KLHL5: variants seen among roughly 807,000 people sequenced by gnomAD.
The protein encoded by KLHL5 is kelch-like protein 5.
Under a neutral mutation model 77.7 loss-of-function variants are expected in KLHL5, and 48 were observed. The observed-to-expected ratio is 0.62, with a 90% CI of 0.49 to 0.79. The LOEUF is 0.79. Among genes scored for constraint, KLHL5 ranks in the 30% least tolerant of loss-of-function variants. KLHL5 has a pLI of 0.00. For synonymous variants in KLHL5, 260 were observed against 297.0 expected, an observed-to-expected ratio of 0.88 and a Z score of 1.28; for missense variants, 723 against 859.7, an observed-to-expected ratio of 0.84 and a Z score of 1.99.
chr4:39,140,740 A>C, the KLHL5 span, among the ~76,000 whole-genome samples: 1 of 152,216 alleles, frequency 6.6e-6, no homozygotes, highest in South Asian at 2.1e-4. Context: ...TGATCTCAGA[A>C]TTGCCAATGA....
At chr4:39,063,103 T>C (rs1717583273) in intron 1 of KLHL5, 68 bp downstream of exon 1, 3 of 1,090,186 alleles carry the variant, frequency 2.8e-6, no homozygotes, top group Non-Finnish European at 3.8e-6. Flanking sequence ...TTAAATAATT[T>C]AGTATTTATT....
the KLHL5 span, among the ~76,000 whole-genome samples, chr4:39,138,545 T>C: frequency 6.6e-6 from 1 of 152,212 alleles, no homozygotes; most frequent in South Asian, 2.1e-4. Flanking sequence ...AAGTAGGAGC[T>C]AAATGATGAG....
intron 4 of KLHL5, among the ~76,000 whole-genome samples, chr4:39,085,424 T>C (rs75433321): frequency 0.032 from 4,800 of 152,292 alleles, 277 homozygotes; most frequent in African/African-American, 0.11. Flanking sequence ...TAGTCCTTAT[T>C]TCTAGCTCTA....
the KLHL5 span, among the ~76,000 whole-genome samples, chr4:39,137,184 C>CGTTATGTGCGT: frequency 6.6e-6 from 1 of 150,880 alleles, no homozygotes; most frequent in Non-Finnish European, 1.5e-5. Flanking sequence ...CAAATATGTG[C>CGTTATGTGCGT]GTGTGTGTGT....
At chr4:39,086,825 A>T (rs1001395554) in intron 5 of KLHL5, 98 bp downstream of exon 5, 21 of 842,540 alleles carry the variant, frequency 2.5e-5, no homozygotes, top group Non-Finnish European at 3.8e-5. Context: ...AGGTGAAAAG[A>T]TAGTGAGCTA....
upstream of KLHL5, among the ~76,000 whole-genome samples, chr4:39,058,354 C>T (rs1717142384): frequency 6.6e-6 from 1 of 152,124 alleles, no homozygotes; most frequent in African/African-American, 2.4e-5. Flanking sequence ...TTTTGTCAGC[C>T]AGGCAGCGTG....
intron 7 of KLHL5, among the ~76,000 whole-genome samples, chr4:39,105,635 T>C (rs1721966573): frequency 6.6e-6 from 1 of 150,936 alleles, no homozygotes; most frequent in Admixed American, 6.6e-5. Context: ...TGTGTATTTA[T>C]ATGTTTATAT....
chr4:39,081,440 A>G lies in KLHL5; in HGVS notation c.703+201A>G, dbSNP rs2109380271. 6.6e-6 allele frequency among the ~76,000 whole-genome samples: 1 copy of G among 152,334 alleles called. No individual in the cohort carries two copies. Among genetic ancestry groups the G allele is most frequent in the South Asian group, 2.1e-4 (1 of 4,828 alleles). ...ATGGTTATCATAATTAAGTTTTTGA[A>G]TGGCCCTTTAAAATGTTAATATAAA... On this transcript the variant is annotated intron_variant, in intron 3 of 10. Transcript: ENST00000504108. This position sits in a 1 kb window ranked among gnomAD's most constrained non-coding sequence, Gnocchi z 4.3.
intron 1 of KLHL5, among the ~76,000 whole-genome samples, chr4:39,074,863 C>T (rs1718856772): frequency 6.6e-6 from 1 of 152,172 alleles, no homozygotes; most frequent in Non-Finnish European, 1.5e-5. Flanking sequence ...AGTTATGGCA[C>T]AGTCACTGGT....
At chr4:39,068,297 A>T (rs1460442398) in intron 1 of KLHL5, among the ~76,000 whole-genome samples, 2 of 152,096 alleles carry the variant, frequency 1.3e-5, no homozygotes, top group African/African-American at 4.8e-5. Flanking sequence ...GTTTCCAGGG[A>T]TAGCAGAAGA....
At chr4:39,069,319 G>T (rs1718186612) in intron 1 of KLHL5, among the ~76,000 whole-genome samples, 1 of 151,738 alleles carries the variant, frequency 6.6e-6, no homozygotes, top group Non-Finnish European at 1.5e-5. Flanking sequence ...TAGATATAAA[G>T]AATGGATCTT....
downstream of KLHL5, among the ~76,000 whole-genome samples, chr4:39,129,473 G>C (rs1199723076): frequency 6.6e-6 from 1 of 152,180 alleles, no homozygotes; most frequent in African/African-American, 2.4e-5. This position sits in a 1 kb window ranked among gnomAD's most constrained non-coding sequence, Gnocchi z 4.2. Context: ...CTCCCAAAGT[G>C]CTGGGATTAC....
At chr4:39,086,313 CTTGCATATGTT>C (rs1250567739) in intron 4 of KLHL5, among the ~76,000 whole-genome samples, 191 bp from the exon 5 acceptor site, 1 of 152,182 alleles carries the variant, frequency 6.6e-6, no homozygotes, top group African/African-American at 2.4e-5. Context: ...TTTAATTCTA[CTTGCATATGTT>C]TAACAACATA....
At chr4:39,077,915 G>A (rs1719230379) in intron 2 of KLHL5, among the ~76,000 whole-genome samples, 2 of 152,112 alleles carry the variant, frequency 1.3e-5, no homozygotes, top group Non-Finnish European at 2.9e-5. Flanking sequence ...AAAATGTGGT[G>A]TATACATATA....
intron 6 of KLHL5, among the ~76,000 whole-genome samples, chr4:39,102,375 T>C (rs1274153808): frequency 7.0e-6 from 1 of 143,240 alleles, no homozygotes; most frequent in Non-Finnish European, 1.5e-5. Context: ...CCTGGAATCT[T>C]CCAATTCTTA....
At position 39,086,448 on chromosome 4, in the gene KLHL5, T is replaced by C. The variant is rs900877694; in HGVS notation, c.901-67T>C. ...GGTAGCTAATATAAAAAGCTTTTAC[T>C]TTCTTCTAAGTAAATTGTGAAGGTC... On this transcript the variant is annotated intron_variant, in intron 4 of 10. Coordinates refer to ENST00000504108, the MANE Select transcript of KLHL5 (RefSeq NM_015990.5). 3.1e-6 allele frequency: 4 copies of C among 1,291,560 alleles called. No homozygotes were observed. In the African/African-American group the frequency reaches 5.9e-5, roughly 19 times the overall value. The allele number at this position is 1,291,560 out of a possible 1,614,324, so 80.0% of individuals were successfully genotyped here. A position where few individuals can be genotyped will look rare whatever the true frequency, so the allele number is the denominator to read the frequency against.
At chr4:39,132,006 C>T in the KLHL5 span, among the ~76,000 whole-genome samples, 8 of 152,128 alleles carry the variant, frequency 5.3e-5, no homozygotes, top group Non-Finnish European at 1.0e-4. Context: ...AATTCCCCTT[C>T]GGTTCTGTCG....
intron 1 of KLHL5, among the ~76,000 whole-genome samples, chr4:39,046,379 A>T: frequency 6.6e-6 from 1 of 152,202 alleles, no homozygotes. Context: ...AAGATCCTGT[A>T]CTAGAGATGA....
At chr4:39,074,362 T>A (rs181791918) in intron 1 of KLHL5, among the ~76,000 whole-genome samples, 1 of 152,326 alleles carries the variant, frequency 6.6e-6, no homozygotes, top group Admixed American at 6.5e-5. Flanking sequence ...TAGTTCAATG[T>A]GAGTGTTCTT....
Sources: gnomAD v4.1 joint callset for allele counts (sites outside exome capture counted in the v4.1 genomes callset) on GRCh38, gnomAD v4.1.1 for gene constraint, Gnocchi (gnomAD v3.1) non-coding constraint, MANE v1.5 for transcripts, NCBI Gene and HGNC (gene_info 2026-07-23, HGNC 2026-07-21) for gene names.